The following DCC variants were observed in gnomAD, a reference collection of about 807,000 sequenced individuals.
DCC encodes netrin receptor DCC.
A neutral mutation model predicts 172.5 loss-of-function variants in DCC; 58 were observed. The ratio of observed to expected loss-of-function variants is 0.34; its 90% confidence interval spans 0.27 to 0.42. DCC has a LOEUF of 0.42. Ranked by LOEUF, DCC falls within the 10% of genes least tolerant of loss-of-function variation. The pLI is 1.00. For missense variants in DCC, 1,740 were observed against 1,791.0 expected (o/e 0.97, Z 0.51); for synonymous variants, 709 against 644.5 (o/e 1.10, Z -1.52).
rs536290044 is a variant in DCC, at chr18:53,436,905, C to A, written c.3229+1696C>A. ...CTCATTCTCTGCTTCACAGTTGATG[C>A]CTTCCAGCTGTGTTCTCCCATGGTG... On this transcript the variant is annotated intron_variant, in intron 22 of 28. Transcript: ENST00000442544. Among the ~76,000 whole-genome samples the A allele has an allele frequency of 2.0e-5, 3 of 152,106 alleles. No homozygotes were observed. In the East Asian group the frequency reaches 5.8e-4, roughly 29 times the overall value.
At chr18:53,490,905 C>T (rs2045952971) in intron 26 of DCC, among the ~76,000 whole-genome samples, 1 of 152,186 alleles carries the variant, frequency 6.6e-6, no homozygotes, top group African/African-American at 2.4e-5. Flanking sequence ...TATACCTGTT[C>T]ATTGTATTCA....
chr18:52,762,279 C>T (rs2037173454), intron 2 of DCC, among the ~76,000 whole-genome samples: 1 of 151,492 alleles, frequency 6.6e-6, no homozygotes, highest in Non-Finnish European at 1.5e-5. Flanking sequence ...TCAAGATCAG[C>T]ATGGGCAACA....
chr18:52,946,614 T>C (rs1174162894), intron 5 of DCC, among the ~76,000 whole-genome samples: 1 of 152,182 alleles, frequency 6.6e-6, no homozygotes, highest in African/African-American at 2.4e-5. Context: ...TGAGGCATTT[T>C]CTTTCCATGG....
chr18:52,691,651 T>A (rs1599022522), intron 1 of DCC, among the ~76,000 whole-genome samples: 1 of 152,160 alleles, frequency 6.6e-6, no homozygotes, highest in African/African-American at 2.4e-5. Flanking sequence ...CCCACTGTAA[T>A]CCAGGATGAC....
At chr18:52,908,229 G>C (rs1193673038) in intron 3 of DCC, among the ~76,000 whole-genome samples, 1 of 152,098 alleles carries the variant, frequency 6.6e-6, no homozygotes, top group Non-Finnish European at 1.5e-5. Flanking sequence ...AAGTTTCCAG[G>C]TGCTTTAATG....
chr18:53,511,905 G>T (rs1281084300), intron 27 of DCC, among the ~76,000 whole-genome samples: 3 of 152,228 alleles, frequency 2.0e-5, no homozygotes, highest in Non-Finnish European at 2.9e-5. Context: ...GCCCGCCATT[G>T]CCCAGGCTTG....
chr18:52,940,523 A>T (rs1428985220), intron 5 of DCC, among the ~76,000 whole-genome samples: 3 of 152,146 alleles, frequency 2.0e-5, no homozygotes, highest in African/African-American at 7.2e-5. Context: ...CCCCTGGAGG[A>T]TGGGCCATTA....
intron 2 of DCC, among the ~76,000 whole-genome samples, chr18:52,792,517 C>T (rs1417152131): frequency 6.6e-6 from 1 of 152,166 alleles, no homozygotes; most frequent in African/African-American, 2.4e-5. Context: ...AGGACTTCTT[C>T]CAGCCCCATA....
chr18:53,462,308 C>T (rs986082307), intron 24 of DCC, among the ~76,000 whole-genome samples: 1 of 152,148 alleles, frequency 6.6e-6, no homozygotes, highest in Non-Finnish European at 1.5e-5. Context: ...CAGCCATTCC[C>T]TATCACTCCC....
At chr18:52,438,388 A>G (rs1304090754) in intron 1 of DCC, among the ~76,000 whole-genome samples, 1 of 152,174 alleles carries the variant, frequency 6.6e-6, no homozygotes, top group Non-Finnish European at 1.5e-5. Context: ...TTGGGTTACT[A>G]AGAGTGCTGT....
intron 27 of DCC, among the ~76,000 whole-genome samples, chr18:53,524,991 A>G (rs771310587): frequency 5.9e-5 from 9 of 152,060 alleles, no homozygotes; most frequent in Non-Finnish European, 1.3e-4. Flanking sequence ...AATATTAAAA[A>G]TAGCCCTCAT....
intron 1 of DCC, among the ~76,000 whole-genome samples, chr18:52,696,132 A>G (rs903796057): frequency 5.3e-5 from 8 of 152,218 alleles, no homozygotes; most frequent in Admixed American, 1.3e-4. Flanking sequence ...TATAACTTAA[A>G]ACAATTTTCA....
chr18:52,964,636 C>A (rs116396011), intron 5 of DCC, among the ~76,000 whole-genome samples: 23 of 152,218 alleles, frequency 1.5e-4, no homozygotes, highest in Admixed American at 1.2e-3. Context: ...CCAGAGATTT[C>A]TTAAATGTTT....
chr18:53,231,924 T>G (rs1475871257), intron 12 of DCC, among the ~76,000 whole-genome samples: 1 of 152,140 alleles, frequency 6.6e-6, no homozygotes, highest in Non-Finnish European at 1.5e-5. Context: ...CAATAGTTCA[T>G]TTGACGTTTG....
At chr18:52,616,920 T>A (rs926798862) in intron 1 of DCC, among the ~76,000 whole-genome samples, 2 of 152,082 alleles carry the variant, frequency 1.3e-5, no homozygotes, top group East Asian at 3.9e-4. Context: ...TACTGCAGAA[T>A]GAGATGCATA....
chr18:52,466,377 A>G (rs1273493063), intron 1 of DCC, among the ~76,000 whole-genome samples: 1 of 152,198 alleles, frequency 6.6e-6, no homozygotes, highest in Non-Finnish European at 1.5e-5. Context: ...GAAAGTTCAC[A>G]TAACATCATA....
At chr18:53,201,400 C>T (rs1435528174) in intron 9 of DCC, among the ~76,000 whole-genome samples, 1 of 152,134 alleles carries the variant, frequency 6.6e-6, no homozygotes, top group Admixed American at 6.6e-5. Flanking sequence ...CTGTCTGCAC[C>T]ATATCACAAT....
chr18:52,381,683 AT>A (rs1214031864), intron 1 of DCC, among the ~76,000 whole-genome samples: 3 of 152,002 alleles, frequency 2.0e-5, no homozygotes, highest in Non-Finnish European at 4.4e-5. Flanking sequence ...CGGGATCAAT[AT>A]TTGCAGATCC....
At chr18:53,192,012 A>G (rs539229102) in intron 9 of DCC, among the ~76,000 whole-genome samples, 1 of 152,334 alleles carries the variant, frequency 6.6e-6, no homozygotes, top group African/African-American at 2.4e-5. Flanking sequence ...AACAAGCCCA[A>G]ACCTTCCATG....
Sources: gnomAD v4.1 joint callset for allele counts (sites outside exome capture counted in the v4.1 genomes callset) on GRCh38, gnomAD v4.1.1 for gene constraint, MANE v1.5 for transcripts, NCBI Gene and HGNC (gene_info 2026-07-23, HGNC 2026-07-21) for gene names.